Variants in NIPAL4 observed in about 807,000 individuals in gnomAD.
The protein encoded by NIPAL4 is NIPA like domain containing 4, also known as magnesium transporter NIPA4.
A neutral mutation model predicts 31.6 loss-of-function variants in NIPAL4; 21 were observed. That is an observed-to-expected ratio of 0.67 (90% CI 0.47 to 0.96). The LOEUF is 0.96. Ranked by LOEUF, NIPAL4 falls within the 40% of genes least tolerant of loss-of-function variation. The pLI, the probability that NIPAL4 is intolerant of heterozygous loss-of-function variation, is 0.00. For missense variants in NIPAL4, 438 were observed against 508.0 expected, an observed-to-expected ratio of 0.86 and a Z score of 1.32; for synonymous variants, 175 against 211.1, an observed-to-expected ratio of 0.83 and a Z score of 1.48.
At chr5:157,468,450 G>A (rs565138085) in intron 3 of NIPAL4, among the ~76,000 whole-genome samples, 56 of 152,284 alleles carry the variant, frequency 3.7e-4, no homozygotes, top group African/African-American at 1.2e-3. Context: ...GAAGCCAAGA[G>A]GCCTAAAGAA....
chr5:157,471,237 T>C (rs4704868), intron 4 of NIPAL4, among the ~76,000 whole-genome samples: 68,918 of 152,060 alleles, frequency 0.45, 16,205 homozygotes, highest in East Asian at 0.73. Flanking sequence ...CCTGGCCAAG[T>C]TGCTTAACCT....
chr5:157,463,719 T>G (rs1333633190), intron 2 of NIPAL4, among the ~76,000 whole-genome samples: 3 of 152,172 alleles, frequency 2.0e-5, no homozygotes, highest in Non-Finnish European at 4.4e-5. Flanking sequence ...ATACTTCTGC[T>G]CAGAACAATG....
chr5:157,460,577 A>T, intron 1 of NIPAL4: 1 of 677,646 alleles, frequency 1.5e-6, no homozygotes, highest in South Asian at 1.5e-5. Context: ...TCAGGGAAGG[A>T]AAGTATGTCC....
intron 3 of NIPAL4, among the ~76,000 whole-genome samples, chr5:157,468,491 C>T (rs1202567699): frequency 3.3e-5 from 5 of 152,194 alleles, no homozygotes; most frequent in Non-Finnish European, 5.9e-5. Flanking sequence ...AAGCATGTCA[C>T]GTGACCTTGG....
rs751897431 is a variant in NIPAL4 at position 157,463,108 on chromosome 5, C to T, written c.52C>T (p.Leu18Phe). The stretch of plus-strand genomic sequence containing the variant: ...TTCCCATCCAGGTTCCCTGCTCCAC[C>T]TCTACTGCTCCTCCCAAGAAGTCCT... ...TSCENGSLLHLYCSSQEVLCQ... is the reference protein window; with the variant it reads ...TSCENGSLLHFYCSSQEVLCQ... The change falls in exon 2 of 6, where the codon CTC becomes TTC. Residue 18 changes from leucine to phenylalanine, a missense_variant. Physicochemically the swap from Leu to Phe is conservative, Grantham distance 22. Transcript: ENST00000311946. 5.0e-6 allele frequency: 8 copies of T among 1,614,018 alleles called. 1 individual carries two copies. The South Asian group carries it at 8.8e-5, about 18-fold the overall frequency.
chr5:157,472,492 C>A lies in NIPAL4; in HGVS notation c.747C>A (p.Ile249=), dbSNP rs753443008. ...VAAVKGLGIT[I]KNFFQGLPVV... Reference sequence around the variant, plus strand: ...CTGTCAAGGGGCTGGGCATCACCATCAAGAACTTCTTCCAGGGGCTGCCAG... The same window carrying A: ...CTGTCAAGGGGCTGGGCATCACCATAAAGAACTTCTTCCAGGGGCTGCCAG... Residue 249 remains isoleucine (I), a synonymous_variant, in exon 6 of 6, where the codon ATC becomes ATA. Transcript: ENST00000311946. 1.9e-6 allele frequency: 3 copies of A among 1,613,844 alleles called. No homozygotes were observed.
intron 2 of NIPAL4, among the ~76,000 whole-genome samples, chr5:157,465,942 A>G (rs1029773400): frequency 6.6e-6 from 1 of 151,906 alleles, no homozygotes; most frequent in African/African-American, 2.4e-5. Flanking sequence ...TCATTGAGCT[A>G]TGATCATGCC....
chr5:157,466,461 T>A (rs537086583), intron 2 of NIPAL4, among the ~76,000 whole-genome samples: 1 of 152,240 alleles, frequency 6.6e-6, no homozygotes, highest in East Asian at 1.9e-4. Flanking sequence ...CTGGCTGCCA[T>A]GAAAAGAAAA....
In NIPAL4 at chr5:157,463,303, C is replaced by A. The variant is rs199422216; in HGVS notation, c.247C>A (p.Arg83=). 3 of 1,612,178 alleles carry A rather than the reference C, an allele frequency of 1.9e-6. No individual in the cohort carries two copies. The highest frequency in any genetic ancestry group is 2.5e-6 in the Non-Finnish European group (3 of 1,178,816). The change falls in exon 2 of 6, where the codon CGA becomes AGA. Residue 83 remains arginine, a synonymous_variant. Transcript: ENST00000311946. ...CATCCTCAAGAAGAAAGGCCTCTTG[C>A]GACTCGTGGCCACGGGAGCCACTCG... ...SVILKKKGLL[R]LVATGATRAV...
At position 157,472,863 on chromosome 5, in the gene NIPAL4, T is replaced by C; in HGVS notation, c.1118T>C (p.Ile373Thr). Residue 373 changes from isoleucine to threonine, a missense_variant, in exon 6 of 6, where the codon ATT becomes ACT. Ile to Thr is a moderately conservative substitution (Grantham distance 89). Coordinates refer to ENST00000311946, the MANE Select transcript of NIPAL4 (RefSeq NM_001099287.2). ...PPSPAPEPTVIRLEDKNVLVD... is the reference protein window; with the variant it reads ...PPSPAPEPTVTRLEDKNVLVD... ...TCTCCCGCCCCGGAACCCACTGTTA[T>C]TAGACTGGAAGACAAGAACGTCCTT... 1.3e-6 allele frequency: 2 copies of C among 1,555,114 alleles called. No homozygotes were observed. The highest frequency in any genetic ancestry group is 2.3e-5 in the East Asian group (1 of 44,304).
intron 4 of NIPAL4, 90 bp downstream of exon 4, chr5:157,468,902 G>C (rs1754352366): frequency 1.2e-6 from 1 of 836,214 alleles, no homozygotes; most frequent in Non-Finnish European, 1.9e-6. Context: ...ACTGCCACTT[G>C]GCAATCAGGG....
chr5:157,468,711 T>C lies in NIPAL4; in HGVS notation c.335-11T>C. ...CGCCATGCTAGCCTCTTTTCTCCCT[T>C]CGTTTCCTAGTGGCTGCTGGAGAAG... On this transcript the variant is annotated splice_polypyrimidine_tract_variant and intron_variant, in intron 3 of 5. Transcript: ENST00000311946. 1 of 1,580,750 alleles carries C rather than the reference T, an allele frequency of 6.3e-7. No individual in the cohort carries two copies. Among genetic ancestry groups the C allele is most frequent in the Non-Finnish European group, 8.7e-7 (1 of 1,149,854 alleles).
chr5:157,468,671 G>T, intron 3 of NIPAL4, 51 bp from the exon 4 acceptor site: 1 of 1,004,118 alleles, frequency 1.0e-6, no homozygotes, highest in South Asian at 1.3e-5. Flanking sequence ...GTCTGGAATG[G>T]AGATGGTGCT....
chr5:157,461,602 C>G (rs1004871660), intron 1 of NIPAL4, among the ~76,000 whole-genome samples: 1 of 152,214 alleles, frequency 6.6e-6, no homozygotes, highest in Non-Finnish European at 1.5e-5. Flanking sequence ...GGCAAGGAAG[C>G]CTGAGCTGGA....
At chr5:157,461,299 G>T (rs1246267252) in intron 1 of NIPAL4, among the ~76,000 whole-genome samples, 2 of 152,242 alleles carry the variant, frequency 1.3e-5, no homozygotes, top group Non-Finnish European at 2.9e-5. Context: ...CCCATGCTCA[G>T]AATTGGATTA....
At chr5:157,463,008 G>C in intron 1 of NIPAL4, 86 bp from the exon 2 acceptor site, 5 of 1,546,248 alleles carry the variant, frequency 3.2e-6, no homozygotes, top group Non-Finnish European at 4.4e-6. Flanking sequence ...CGGAAGCACA[G>C]GGTTTGAAAC....
In NIPAL4 at chr5:157,463,246, T is replaced by C. The variant is rs529986538; in HGVS notation, c.190T>C (p.Phe64Leu). The C allele has an allele frequency of 1.1e-5, 18 of 1,614,018 alleles. 1 individual carries two copies. In the South Asian group the frequency reaches 1.9e-4, roughly 17 times the overall value. Residue 64 changes from phenylalanine to leucine, a missense_variant, in exon 2 of 6, where the codon TTC becomes CTC. By Grantham distance (22) the Phe-to-Leu change is conservative. Transcript: ENST00000311946. The part of the protein sequence containing the change: ...YGFYIGLGLA[F>L]LSSFLIGSSV... Reference sequence around the variant, plus strand: ...CTTCTACATCGGCCTGGGCCTGGCATTCCTGTCTAGCTTCCTCATCGGCAG... The same window carrying C: ...CTTCTACATCGGCCTGGGCCTGGCACTCCTGTCTAGCTTCCTCATCGGCAG...
chr5:157,471,921 C>A, intron 5 of NIPAL4, 104 bp downstream of exon 5: 2 of 837,780 alleles, frequency 2.4e-6, no homozygotes, highest in Admixed American at 4.4e-5. Flanking sequence ...GGTGCTGCCA[C>A]CTAGAGGAGA....
chr5:157,469,446 G>A (rs1183182132), intron 4 of NIPAL4, among the ~76,000 whole-genome samples: 1 of 152,144 alleles, frequency 6.6e-6, no homozygotes, highest in Admixed American at 6.5e-5. Context: ...ATCCCTAGCT[G>A]AGCCCAACAG....
Sources: allele counts gnomAD v4.1 joint callset (sites outside exome capture counted in the v4.1 genomes callset), GRCh38; gene constraint gnomAD v4.1.1; transcripts MANE v1.5; gene names NCBI Gene and HGNC (gene_info 2026-07-23, HGNC 2026-07-21).